Variants in NIM1K observed in about 807,000 individuals in gnomAD.
NIM1K encodes the protein serine/threonine-protein kinase NIM1.
A neutral mutation model predicts 37.1 loss-of-function variants in NIM1K; 35 were observed. The observed-to-expected ratio is 0.94, with a 90% CI of 0.72 to 1.25. NIM1K has a LOEUF of 1.25. NIM1K is among the 50% of genes most tolerant of loss of function. NIM1K has a pLI of 0.00. For missense variants in NIM1K, 564 were observed against 548.0 expected, an observed-to-expected ratio of 1.03 and a Z score of -0.29; for synonymous variants, 234 against 206.6, an observed-to-expected ratio of 1.13 and a Z score of -1.14.
intron 2 of NIM1K, among the ~76,000 whole-genome samples, chr5:43,256,715 C>A: frequency 6.6e-6 from 1 of 152,196 alleles, no homozygotes; most frequent in East Asian, 1.9e-4. Context: ...GTACAGAATG[C>A]ACTTCCTGGT....
At chr5:43,223,465 T>G (rs1659901016) in intron 1 of NIM1K, among the ~76,000 whole-genome samples, 1 of 152,250 alleles carries the variant, frequency 6.6e-6, no homozygotes, top group African/African-American at 2.4e-5. Context: ...GCCAGAATAG[T>G]TCATTGAGAT....
chr5:43,280,112 G>A lies in NIM1K; in HGVS notation c.694G>A (p.Gly232Arg). 1.2e-6 allele frequency: 2 copies of A among 1,614,172 alleles called. No homozygotes were observed. The highest frequency in any genetic ancestry group is 1.7e-6 in the Non-Finnish European group (2 of 1,180,020). ...KKGEMLNTFCGSPPYAAPELF... is the reference protein window; with the variant it reads ...KKGEMLNTFCRSPPYAAPELF... ...AGGTGAAATGCTGAACACTTTCTGT[G>A]GGTCTCCTCCCTACGCTGCGCCTGA... Residue 232 changes from glycine to arginine, a missense_variant, in exon 4 of 4, where the codon GGG (glycine) becomes AGG (arginine). Coordinates refer to ENST00000326035, the MANE Select transcript of NIM1K (RefSeq NM_153361.4).
chr5:43,220,005 G>A (rs570781244), intron 1 of NIM1K, among the ~76,000 whole-genome samples: 16 of 152,330 alleles, frequency 1.1e-4, no homozygotes, highest in African/African-American at 3.1e-4. Flanking sequence ...GATTACAGGC[G>A]TGAGCCACCG....
chr5:43,249,456 G>A (rs1053942021), intron 2 of NIM1K, among the ~76,000 whole-genome samples: 2 of 152,194 alleles, frequency 1.3e-5, no homozygotes, highest in Non-Finnish European at 2.9e-5. Context: ...AAATGTCTGG[G>A]CACTACGTGG....
At chr5:43,262,038 A>G (rs1313868136) in intron 2 of NIM1K, among the ~76,000 whole-genome samples, 1 of 152,212 alleles carries the variant, frequency 6.6e-6, no homozygotes, top group Non-Finnish European at 1.5e-5. Flanking sequence ...GAAGTCAGGT[A>G]GTGTGATGCC....
intron 1 of NIM1K, among the ~76,000 whole-genome samples, chr5:43,239,580 A>G (rs1752667383): frequency 6.6e-6 from 1 of 151,926 alleles, no homozygotes; most frequent in Non-Finnish European, 1.5e-5. Flanking sequence ...AGGCTGGAGT[A>G]CAATGGCGCA....
chr5:43,277,874 T>C (rs1753373773), intron 3 of NIM1K, among the ~76,000 whole-genome samples: 1 of 151,472 alleles, frequency 6.6e-6, no homozygotes, highest in Non-Finnish European at 1.5e-5. Flanking sequence ...GTTATACTGA[T>C]ATTTTGCCTT....
intron 2 of NIM1K, among the ~76,000 whole-genome samples, chr5:43,246,700 C>T (rs995293747): frequency 1.3e-5 from 2 of 152,182 alleles, no homozygotes; most frequent in Admixed American, 6.5e-5. Context: ...TTTGGCTCCT[C>T]ACTCCCCATT....
intron 3 of NIM1K, 75 bp downstream of exon 3, chr5:43,277,400 C>T (rs150884538): frequency 1.4e-6 from 2 of 1,479,914 alleles, no homozygotes. Flanking sequence ...AGGTTACTAA[C>T]CCTCAAGTGT....
rs377095190 is a variant in NIM1K at position 43,249,897 on chromosome 5, C to T, written c.292+3830C>T. 2.3e-4 allele frequency among the ~76,000 whole-genome samples: 32 copies of T among 139,040 alleles called. No individual in the cohort carries two copies. In the East Asian group the frequency reaches 4.4e-3, roughly 19 times the overall value. 91.2% of individuals were successfully genotyped at this position (139,040 alleles called of 152,430 possible). ...AGATGGAGTCTCGCTCTGTTGCCCA[C>T]GCTGGAGTGTAGTGGTGTGATCTTG... On this transcript the variant is annotated intron_variant, in intron 2 of 3. Transcript: ENST00000326035.
intron 1 of NIM1K, among the ~76,000 whole-genome samples, chr5:43,243,672 G>GTTTGC (rs1271091030): frequency 2.6e-5 from 4 of 151,948 alleles, no homozygotes; most frequent in African/African-American, 9.7e-5. Context: ...TTTTTTGTTT[G>GTTTGC]TTTGCTTTGC....
intron 2 of NIM1K, among the ~76,000 whole-genome samples, chr5:43,247,165 C>G (rs1339537416): frequency 6.6e-6 from 1 of 152,096 alleles, no homozygotes; most frequent in African/African-American, 2.4e-5. Flanking sequence ...CGCAACTGAC[C>G]CACACACTCC....
intron 2 of NIM1K, among the ~76,000 whole-genome samples, chr5:43,258,744 G>A (rs1048577938): frequency 5.9e-5 from 9 of 152,172 alleles, no homozygotes; most frequent in Admixed American, 2.6e-4. Flanking sequence ...AGTCTGGCTC[G>A]TATGCATTTT....
At chr5:43,236,922 A>ACT (rs1395508023) in intron 1 of NIM1K, among the ~76,000 whole-genome samples, 1 of 152,200 alleles carries the variant, frequency 6.6e-6, no homozygotes, top group African/African-American at 2.4e-5. Flanking sequence ...CCCCCATTGC[A>ACT]CTGCATGGGG....
intron 1 of NIM1K, among the ~76,000 whole-genome samples, chr5:43,219,685 G>A (rs916128428): frequency 2.0e-5 from 3 of 151,922 alleles, no homozygotes; most frequent in African/African-American, 7.3e-5. Context: ...TTGCAAAAAC[G>A]TTTCCTGTTC....
At chr5:43,202,713 C>T (rs1468277644) in intron 1 of NIM1K, among the ~76,000 whole-genome samples, 1 of 152,126 alleles carries the variant, frequency 6.6e-6, no homozygotes, top group Non-Finnish European at 1.5e-5. Context: ...TTTGTTTTTG[C>T]CATTTACTAA....
chr5:43,229,562 T>TA (rs1414379544), intron 1 of NIM1K, among the ~76,000 whole-genome samples: 2 of 152,070 alleles, frequency 1.3e-5, no homozygotes, highest in African/African-American at 4.8e-5. Flanking sequence ...ACAAGACAGA[T>TA]AAAATCTGTC....
intron 1 of NIM1K, chr5:43,232,271 TG>T (rs1426575650): frequency 9.0e-7 from 1 of 1,108,868 alleles, no homozygotes; most frequent in East Asian, 2.6e-5. Context: ...TTTCATCATC[TG>T]GTTGGCAGGC....
At chr5:43,206,528 G>A (rs1409734816) in intron 1 of NIM1K, among the ~76,000 whole-genome samples, 1 of 151,096 alleles carries the variant, frequency 6.6e-6, no homozygotes, top group East Asian at 1.9e-4. Context: ...AAAATAGGTT[G>A]GGGGAGAAAA....
Sources: allele counts gnomAD v4.1 joint callset (sites outside exome capture counted in the v4.1 genomes callset), GRCh38; gene constraint gnomAD v4.1.1; transcripts MANE v1.5; gene names NCBI Gene and HGNC (gene_info 2026-07-23, HGNC 2026-07-21).